The following FHIT variants were observed in gnomAD, a reference collection of about 807,000 sequenced individuals.
The protein encoded by FHIT is fragile histidine triad diadenosine triphosphatase.
Under a neutral mutation model 17.9 loss-of-function variants are expected in FHIT, and 19 were observed. The ratio of observed to expected loss-of-function variants is 1.06; its 90% CI spans 0.74 to 1.56. FHIT has a LOEUF of 1.56. Among genes scored for constraint, FHIT ranks in the 40% most tolerant of loss-of-function variants. The pLI is 0.00. For missense variants in FHIT, 248 were observed against 189.2 expected (o/e 1.31, Z -1.82); for synonymous variants, 81 against 69.7 (o/e 1.16, Z -0.81).
intron 5 of FHIT, among the ~76,000 whole-genome samples, chr3:60,461,290 T>C (rs1415424045): frequency 6.6e-6 from 1 of 152,202 alleles, no homozygotes; most frequent in Non-Finnish European, 1.5e-5. Flanking sequence ...AACCTGAGAA[T>C]GGTAGAAACC....
intron 2 of FHIT, among the ~76,000 whole-genome samples, chr3:61,077,520 T>C (rs1055758710): frequency 6.6e-6 from 1 of 151,914 alleles, no homozygotes. Flanking sequence ...AATGCAGTAA[T>C]CTGACAGCTT....
At chr3:61,020,126 A>G (rs1472844076) in intron 3 of FHIT, among the ~76,000 whole-genome samples, 1 of 152,144 alleles carries the variant, frequency 6.6e-6, no homozygotes, top group Non-Finnish European at 1.5e-5. Flanking sequence ...GTCTTCCACA[A>G]TGGTTGAACT....
chr3:61,141,095 T>C (rs1365014517), intron 2 of FHIT, among the ~76,000 whole-genome samples: 2 of 152,174 alleles, frequency 1.3e-5, no homozygotes, highest in African/African-American at 4.8e-5. Flanking sequence ...CACAGTCATC[T>C]GATCACCTTT....
chr3:61,056,586 A>G (rs1415484898), intron 2 of FHIT, among the ~76,000 whole-genome samples: 3 of 152,134 alleles, frequency 2.0e-5, no homozygotes, highest in African/African-American at 7.2e-5. Flanking sequence ...ACACTGAACA[A>G]TGACTTGAAT....
At chr3:60,444,020 A>C (rs1260906251) in intron 5 of FHIT, among the ~76,000 whole-genome samples, 2 of 152,304 alleles carry the variant, frequency 1.3e-5, no homozygotes, top group Admixed American at 6.5e-5. Flanking sequence ...ATCCCATCAA[A>C]AACTGGGTGA....
chr3:60,250,545 C>T (rs749914222), intron 5 of FHIT, among the ~76,000 whole-genome samples: 17 of 152,066 alleles, frequency 1.1e-4, no homozygotes, highest in Non-Finnish European at 2.9e-5. Context: ...TTCTCACCAG[C>T]GGGTATTGAT....
At chr3:61,004,652 C>G (rs1219867794) in intron 3 of FHIT, among the ~76,000 whole-genome samples, 4 of 152,096 alleles carry the variant, frequency 2.6e-5, no homozygotes, top group Non-Finnish European at 5.9e-5. Flanking sequence ...AGGGAGTGAT[C>G]CAAGGCAACT....
chr3:59,989,537 G>A (rs989266145), intron 7 of FHIT, among the ~76,000 whole-genome samples: 1 of 152,042 alleles, frequency 6.6e-6, no homozygotes, highest in Non-Finnish European at 1.5e-5. Context: ...GTCTCTGAGG[G>A]CTGGGCATGT....
intron 4 of FHIT, among the ~76,000 whole-genome samples, chr3:60,758,918 A>T (rs1328612445): frequency 2.0e-5 from 3 of 152,156 alleles, no homozygotes; most frequent in African/African-American, 7.2e-5. Context: ...AAGACAGAGT[A>T]GGCCTTTCTT....
At chr3:60,508,536 A>G (rs1338082665) in intron 5 of FHIT, among the ~76,000 whole-genome samples, 1 of 152,216 alleles carries the variant, frequency 6.6e-6, no homozygotes, top group Non-Finnish European at 1.5e-5. Flanking sequence ...AAGTGAGTGA[A>G]TATTAATTTA....
At chr3:60,699,664 A>G (rs1256312501) in intron 4 of FHIT, among the ~76,000 whole-genome samples, 1 of 144,862 alleles carries the variant, frequency 6.9e-6, no homozygotes, top group African/African-American at 2.8e-5. Flanking sequence ...CAATGTGCAC[A>G]TGTACCCTAA....
At chr3:60,901,564 A>G (rs1706113519) in intron 3 of FHIT, among the ~76,000 whole-genome samples, 1 of 152,262 alleles carries the variant, frequency 6.6e-6, no homozygotes, top group Admixed American at 6.5e-5. Flanking sequence ...TAAAAAGTGT[A>G]GTTACTGAAG....
At chr3:60,133,890 C>G (rs990453799) in intron 5 of FHIT, among the ~76,000 whole-genome samples, 1 of 149,894 alleles carries the variant, frequency 6.7e-6, no homozygotes, top group Non-Finnish European at 1.5e-5. Flanking sequence ...TTCCCCTTCC[C>G]TTGAAAAAAA....
rs573682106 is a variant in FHIT at position 60,635,625 on chromosome 3, T to C, written c.-17-98646A>G. On this transcript the variant is annotated intron_variant, in intron 4 of 9. Transcript: ENST00000492590. Reference sequence around the variant, plus strand: ...AAGTTGTAGATACTCCATAAATATTTGCTGCCTGGCTGACTCTTAGTATTT... The same window carrying C: ...AAGTTGTAGATACTCCATAAATATTCGCTGCCTGGCTGACTCTTAGTATTT... Among the ~76,000 whole-genome samples the C allele has an allele frequency of 5.3e-5, 8 of 152,350 alleles. No homozygotes were observed. In the East Asian group the frequency reaches 1.4e-3, roughly 26 times the overall value.
chr3:60,896,039 C>T (rs1705805337), intron 3 of FHIT, among the ~76,000 whole-genome samples: 1 of 151,998 alleles, frequency 6.6e-6, no homozygotes, highest in African/African-American at 2.4e-5. Context: ...CTGATCTCCG[C>T]CTCCTGTCAG....
chr3:59,751,518 T>C (rs1407875969), intron 9 of FHIT: 3 of 216,520 alleles, frequency 1.4e-5, no homozygotes, highest in Non-Finnish European at 2.8e-5. Context: ...GATCTAGGCA[T>C]GAGCTCGTTA....
At chr3:61,011,935 T>C (rs770931971) in intron 3 of FHIT, among the ~76,000 whole-genome samples, 5 of 152,164 alleles carry the variant, frequency 3.3e-5, no homozygotes, top group African/African-American at 4.8e-5. Flanking sequence ...GGAAGTTTAA[T>C]TGAATGTGAA....
chr3:60,554,492 G>A (rs2036677256), intron 4 of FHIT, among the ~76,000 whole-genome samples: 1 of 152,146 alleles, frequency 6.6e-6, no homozygotes. Context: ...TGAAGACATT[G>A]TGGACATATT....
At chr3:60,368,131 T>C (rs1050895153) in intron 5 of FHIT, among the ~76,000 whole-genome samples, 23 of 151,014 alleles carry the variant, frequency 1.5e-4, no homozygotes, top group African/African-American at 5.6e-4. Flanking sequence ...TGTGGATACA[T>C]ACTTTCCTTT....
Sources: gnomAD v4.1 joint callset for allele counts (sites outside exome capture counted in the v4.1 genomes callset) on GRCh38, gnomAD v4.1.1 for gene constraint, MANE v1.5 for transcripts, NCBI Gene and HGNC (gene_info 2026-07-23, HGNC 2026-07-21) for gene names.